The following KIAA1217 variants were observed in gnomAD, a reference collection of about 807,000 sequenced individuals.
KIAA1217 encodes the protein KIAA1217.
Under a neutral mutation model 163.9 loss-of-function variants are expected in KIAA1217, and 88 were observed. The observed-to-expected ratio is 0.54, with a 90% CI of 0.45 to 0.64. The LOEUF (loss-of-function observed/expected upper bound fraction) is 0.64. Ranked by LOEUF, KIAA1217 falls within the 30% of genes least tolerant of loss-of-function variation. KIAA1217 has a pLI of 0.00. For synonymous variants in KIAA1217, 903 were observed against 923.1 expected (o/e 0.98, Z 0.39); for missense variants, 2,372 against 2,475.0 (o/e 0.96, Z 0.88).
intron 2 of KIAA1217, among the ~76,000 whole-genome samples, chr10:24,077,383 C>T (rs190597947): frequency 1.3e-5 from 2 of 152,204 alleles, no homozygotes; most frequent in Non-Finnish European, 2.9e-5. Flanking sequence ...TGTTACCTAC[C>T]GTGTGTTCTC....
chr10:24,243,966 G>T (rs929180735), intron 2 of KIAA1217, among the ~76,000 whole-genome samples: 1 of 152,174 alleles, frequency 6.6e-6, no homozygotes, highest in African/African-American at 2.4e-5. Context: ...TTTTAGCAAA[G>T]GCTTGTAAAT....
chr10:24,544,411 C>A lies in KIAA1217; in HGVS notation c.5141C>A (p.Pro1714His), dbSNP rs754581192. The change falls in exon 19 of 21, where the codon CCC (proline) becomes CAC (histidine). Residue 1714 changes from proline (P) to histidine (H), a missense_variant. This residue lies in a region of KIAA1217 where 690 missense variants were observed against 677.5 expected (regional missense o/e 1.02). Coordinates refer to ENST00000376454, the MANE Select transcript of KIAA1217 (RefSeq NM_019590.5). The stretch of plus-strand genomic sequence containing the variant: ...ATAGCCCAAGAGGCCTCTCCCCGAC[C>A]CTTGCTAGTTCCGGATGAAGGTCCC... ...SHIAQEASPR[P>H]LLVPDEGPTA... 8.1e-6 allele frequency: 13 copies of A among 1,613,988 alleles called. No homozygotes were observed. The highest frequency in any genetic ancestry group is 2.2e-5 in the East Asian group (1 of 44,890).
At chr10:24,151,978 G>T (rs1451559660) in intron 2 of KIAA1217, among the ~76,000 whole-genome samples, 1 of 152,066 alleles carries the variant, frequency 6.6e-6, no homozygotes, top group African/African-American at 2.4e-5. Context: ...AATATCCAAA[G>T]GTAAGTTTCT....
chr10:23,965,616 A>G (rs906775856), intron 1 of KIAA1217, among the ~76,000 whole-genome samples: 2 of 152,242 alleles, frequency 1.3e-5, no homozygotes, highest in Non-Finnish European at 2.9e-5. Context: ...TGCCATCTCA[A>G]GGTGCTTATC....
intron 2 of KIAA1217, among the ~76,000 whole-genome samples, chr10:24,038,311 T>C (rs1322306550): frequency 6.6e-6 from 1 of 152,204 alleles, no homozygotes; most frequent in African/African-American, 2.4e-5. Context: ...CTTTAAAATA[T>C]TGACTTTGTG....
chr10:24,535,723 G>A (rs2073906011), intron 16 of KIAA1217, among the ~76,000 whole-genome samples: 1 of 152,206 alleles, frequency 6.6e-6, no homozygotes, highest in African/African-American at 2.4e-5. Flanking sequence ...GTTGCAGTGA[G>A]CTGAGATCTC....
chr10:24,339,997 C>G (rs1441676162), intron 2 of KIAA1217, among the ~76,000 whole-genome samples: 1 of 152,066 alleles, frequency 6.6e-6, no homozygotes, highest in Non-Finnish European at 1.5e-5. Flanking sequence ...TAGAGTGTTG[C>G]GAAGTCAGGA....
rs1247222532 is a variant in KIAA1217, at chr10:23,790,366, C to T, written c.-321+95132C>T. Among the ~76,000 whole-genome samples, 16 of 95,150 alleles carry T rather than the reference C, an allele frequency of 1.7e-4. 1 individual carries two copies. The highest frequency in any genetic ancestry group is 2.9e-4 in the South Asian group (1 of 3,392). 62.4% of individuals were successfully genotyped at this position (95,150 alleles called of 152,430 possible). A position where few individuals can be genotyped will look rare whatever the true frequency, so the allele number is the denominator to read the frequency against. ...ATACATATGCATATATGCATATATA[C>T]ATATACATATGTATATATACATATG... On this transcript the variant is annotated intron_variant, in intron 1 of 18. Coordinates refer to the KIAA1217 transcript ENST00000376462.
intron 8 of KIAA1217, among the ~76,000 whole-genome samples, chr10:24,499,113 G>A (rs890591767): frequency 3.9e-5 from 6 of 152,234 alleles, no homozygotes; most frequent in East Asian, 1.9e-4. Flanking sequence ...GTGTGTGTGC[G>A]CCTATCCCTC....
At chr10:23,806,990 C>T (rs10443984) in intron 1 of KIAA1217, among the ~76,000 whole-genome samples, 152,087 of 152,342 alleles carry the variant, frequency 1, 75,919 homozygotes, top group Middle Eastern at 1. Flanking sequence ...CTTGCTCTAA[C>T]GAAGCACACA....
At chr10:23,996,421 T>G (rs534587576) in intron 1 of KIAA1217, among the ~76,000 whole-genome samples, 1 of 152,304 alleles carries the variant, frequency 6.6e-6, no homozygotes, top group East Asian at 1.9e-4. Context: ...CGGTAATTCC[T>G]TGTGGTGAGT....
At chr10:23,909,686 T>C (rs1382601011) in intron 1 of KIAA1217, among the ~76,000 whole-genome samples, 1 of 152,176 alleles carries the variant, frequency 6.6e-6, no homozygotes, top group Non-Finnish European at 1.5e-5. Flanking sequence ...CTTTATCCAG[T>C]CTATCATTGA....
At chr10:24,422,565 T>C (rs1295084192) in intron 3 of KIAA1217, among the ~76,000 whole-genome samples, 2 of 152,178 alleles carry the variant, frequency 1.3e-5, no homozygotes, top group East Asian at 3.9e-4. Flanking sequence ...TAAATATCCA[T>C]GCAAAGGGAC....
At chr10:23,754,819 C>T (rs955732902) in intron 1 of KIAA1217, among the ~76,000 whole-genome samples, 3 of 151,146 alleles carry the variant, frequency 2.0e-5, no homozygotes, top group East Asian at 1.9e-4. Context: ...CTGATAGGGC[C>T]GTTGTACCAT....
At chr10:24,467,314 G>C (rs2063055521) in intron 5 of KIAA1217, among the ~76,000 whole-genome samples, 1 of 152,198 alleles carries the variant, frequency 6.6e-6, no homozygotes. Context: ...CTATTATGAT[G>C]AGGCTCTTGA....
intron 1 of KIAA1217, among the ~76,000 whole-genome samples, chr10:23,873,355 T>C (rs770689226): frequency 2.0e-5 from 3 of 152,072 alleles, no homozygotes; most frequent in Non-Finnish European, 4.4e-5. Flanking sequence ...AATATTTTTC[T>C]GAAAGGTGGC....
chr10:24,010,704 A>T (rs1399123036), intron 2 of KIAA1217, among the ~76,000 whole-genome samples: 4 of 151,964 alleles, frequency 2.6e-5, no homozygotes, highest in Non-Finnish European at 5.9e-5. Flanking sequence ...AAAAAAAAAA[A>T]AAAGGGAACT....
intron 1 of KIAA1217, among the ~76,000 whole-genome samples, chr10:23,835,672 C>T (rs1239379049): frequency 1.3e-5 from 2 of 152,160 alleles, no homozygotes; most frequent in East Asian, 3.8e-4. Context: ...TTCTGCCACA[C>T]CTTTAATGTC....
At chr10:24,531,027 C>A (rs562161271) in intron 14 of KIAA1217, among the ~76,000 whole-genome samples, 1 of 130,940 alleles carries the variant, frequency 7.6e-6, no homozygotes, top group South Asian at 2.4e-4. Context: ...GAAACCCCGC[C>A]TGTAAAAAAA....
Sources: gnomAD v4.1 joint callset for allele counts (sites outside exome capture counted in the v4.1 genomes callset) on GRCh38, gnomAD v4.1.1 for gene constraint, gnomAD v4.1.1 regional missense constraint, MANE v1.5 for transcripts, NCBI Gene and HGNC (gene_info 2026-07-23, HGNC 2026-07-21) for gene names.